Variants in SLC4A10 observed in about 807,000 individuals in gnomAD.
SLC4A10 encodes the protein sodium-driven chloride bicarbonate exchanger.
A neutral mutation model predicts 137.7 loss-of-function variants in SLC4A10; 42 were observed. The observed-to-expected ratio is 0.30, with a 90% CI of 0.24 to 0.39. SLC4A10 has a LOEUF of 0.39. Among genes scored for constraint, SLC4A10 ranks in the 10% least tolerant of loss-of-function variants. The pLI is 1.00. For synonymous variants in SLC4A10, 474 were observed against 464.1 expected, an observed-to-expected ratio of 1.02 and a Z score of -0.27; for missense variants, 925 against 1,355.0, an observed-to-expected ratio of 0.68 and a Z score of 4.98.
rs866451390 is a variant in SLC4A10, at chr2:161,692,307, A to G, written c.48+67741A>G. ...TAGATAATTATTCAAAGAAAAATAT[A>G]TAGGACTATTAAATGTTGTAATACA... On this transcript the variant is annotated intron_variant, in intron 1 of 26. Coordinates refer to ENST00000446997, the MANE Select transcript of SLC4A10 (RefSeq NM_001178015.2). 2.0e-4 allele frequency among the ~76,000 whole-genome samples: 30 copies of G among 152,218 alleles called. No individual in the cohort carries two copies. The Middle Eastern group carries it at 0.01, about 52-fold the overall frequency.
chr2:161,832,746 T>G (rs1031238135), intron 3 of SLC4A10, among the ~76,000 whole-genome samples: 4 of 146,062 alleles, frequency 2.7e-5, no homozygotes, highest in Non-Finnish European at 6.1e-5. Context: ...TTGTTTTGTT[T>G]TGTTTTGTTT....
At position 161,777,555 on chromosome 2, in the gene SLC4A10, G is replaced by C. The variant is rs956988100; in HGVS notation, c.130+6501G>C. ...TGGTTTAATGCACTTACAGTTCTGC[G>C]TGGCTGGGAAGGCCTCACAATCATG... is the stretch of plus-strand genomic sequence containing the variant. On this transcript the variant is annotated intron_variant, in intron 2 of 26. Coordinates refer to ENST00000446997, the MANE Select transcript of SLC4A10 (RefSeq NM_001178015.2). Among the ~76,000 whole-genome samples, 4 of 151,982 alleles carry C rather than the reference G, an allele frequency of 2.6e-5. No homozygotes were observed. In the East Asian group the frequency reaches 7.7e-4, roughly 29 times the overall value.
intron 12 of SLC4A10, 114 bp downstream of exon 12, chr2:161,901,125 T>C (rs1683017630): frequency 3.8e-6 from 3 of 782,700 alleles, no homozygotes; most frequent in East Asian, 5.4e-5. Context: ...TACCTGCTTT[T>C]TGAGGGTGAA....
intron 21 of SLC4A10, among the ~76,000 whole-genome samples, chr2:161,959,141 G>A (rs1269241370): frequency 1.3e-5 from 2 of 152,168 alleles, no homozygotes; most frequent in Non-Finnish European, 2.9e-5. Context: ...TGTGAAGGAA[G>A]GTGTAGAAAT....
intron 1 of SLC4A10, among the ~76,000 whole-genome samples, chr2:161,671,892 G>C (rs2039767638): frequency 6.6e-6 from 1 of 152,254 alleles, no homozygotes; most frequent in Admixed American, 6.5e-5. Context: ...TCAAGCCAAA[G>C]GAAAACAGGT....
At chr2:161,968,255 C>A (rs1697939926) in intron 23 of SLC4A10, among the ~76,000 whole-genome samples, 1 of 152,128 alleles carries the variant, frequency 6.6e-6, no homozygotes, top group African/African-American at 2.4e-5. Flanking sequence ...ACTCACATAG[C>A]TATGCATGTA....
chr2:161,770,769 G>C (rs2051491716), intron 1 of SLC4A10, among the ~76,000 whole-genome samples: 1 of 151,770 alleles, frequency 6.6e-6, no homozygotes, highest in Non-Finnish European at 1.5e-5. Flanking sequence ...TAAAAAACCA[G>C]ATGATATTTC....
intron 15 of SLC4A10, among the ~76,000 whole-genome samples, chr2:161,925,910 TGA>T (rs1447143398): frequency 1.2e-4 from 19 of 152,226 alleles, no homozygotes; most frequent in Non-Finnish European, 2.1e-4. Context: ...CACTGTGGTC[TGA>T]GAGACAGTTT....
At chr2:161,769,046 A>G (rs1440343456) in intron 1 of SLC4A10, among the ~76,000 whole-genome samples, 2 of 151,922 alleles carry the variant, frequency 1.3e-5, no homozygotes, top group Admixed American at 6.6e-5. Context: ...AGTTTTCCTA[A>G]GCCTTTATAT....
intron 15 of SLC4A10, among the ~76,000 whole-genome samples, chr2:161,908,524 C>T (rs535080350): frequency 1.3e-5 from 2 of 149,060 alleles, no homozygotes; most frequent in East Asian, 4.1e-4. Context: ...CAACATGGCA[C>T]ATGTATACAT....
At chr2:161,962,324 CA>C (rs1174025442) in intron 21 of SLC4A10, among the ~76,000 whole-genome samples, 1 of 152,090 alleles carries the variant, frequency 6.6e-6, no homozygotes, top group Non-Finnish European at 1.5e-5. Context: ...GCCATTTAAA[CA>C]ATAACAATTG....
At chr2:161,821,131 T>G (rs1175598555) in intron 3 of SLC4A10, among the ~76,000 whole-genome samples, 2 of 152,182 alleles carry the variant, frequency 1.3e-5, no homozygotes, top group Non-Finnish European at 1.5e-5. Flanking sequence ...TTTTATTGAT[T>G]TGTAGAAGTT....
At chr2:161,953,073 T>G (rs1695072942) in intron 19 of SLC4A10, among the ~76,000 whole-genome samples, 1 of 152,188 alleles carries the variant, frequency 6.6e-6, no homozygotes, top group African/African-American at 2.4e-5. Flanking sequence ...AAACCCATTT[T>G]TGCCTTGGTT....
chr2:161,926,962 C>G (rs1265624276), intron 15 of SLC4A10, among the ~76,000 whole-genome samples: 2 of 151,730 alleles, frequency 1.3e-5, no homozygotes, highest in African/African-American at 4.8e-5. Context: ...TTGTGGGTAA[C>G]CCAACCTTTC....
At chr2:161,900,835 G>T in intron 11 of SLC4A10, 76 bp from the exon 12 acceptor site, 1 of 1,046,740 alleles carries the variant, frequency 9.6e-7, no homozygotes, top group South Asian at 1.7e-5. Flanking sequence ...AAGGAAAAAT[G>T]AACTGTTATT....
At chr2:161,953,781 C>G (rs757614441) in intron 19 of SLC4A10, among the ~76,000 whole-genome samples, 1 of 151,990 alleles carries the variant, frequency 6.6e-6, no homozygotes, top group African/African-American at 2.4e-5. Context: ...AAAGAAGAGG[C>G]AAATACAAAA....
rs1487422115 is a variant in SLC4A10 at position 161,679,720 on chromosome 2, T to C, written c.48+55154T>C. On this transcript the variant is annotated intron_variant, in intron 1 of 26. Coordinates refer to ENST00000446997, the MANE Select transcript of SLC4A10 (RefSeq NM_001178015.2). ...GTGTGTGTGTGTGTGTGTGTGTGTG[T>C]AGTATATCAAAACTGCCTTTCAAGT... Among the ~76,000 whole-genome samples the C allele has an allele frequency of 3.4e-5, 5 of 148,402 alleles. No homozygotes were observed. The Admixed American group carries it at 3.4e-4, about 10-fold the overall frequency.
At chr2:161,646,649 AT>A (rs2036072214) in intron 1 of SLC4A10, among the ~76,000 whole-genome samples, 2 of 152,134 alleles carry the variant, frequency 1.3e-5, no homozygotes, top group South Asian at 4.1e-4. Flanking sequence ...ATTTTAGGAC[AT>A]ATTTTCAAAT....
chr2:161,904,116 G>A lies in SLC4A10; in HGVS notation c.1555G>A (p.Ala519Thr), dbSNP rs1282104575. ...AGCATCTTTTCTATTTCTCTACTGC[G>A]CGTGTATGTCTCCTGTCATCACGTT... Reference protein sequence around the residue: ...CLASFLFLYCACMSPVITFGG... With the variant: ...CLASFLFLYCTCMSPVITFGG... The change falls in exon 13 of 27, where the codon GCG becomes ACG. Residue 519 changes from alanine to threonine, a missense_variant. By Grantham distance (58) the Ala-to-Thr change is moderately conservative. Transcript: ENST00000446997. The A allele has an allele frequency of 5.0e-6, 8 of 1,610,716 alleles. No individual in the cohort carries two copies. The highest frequency in any genetic ancestry group is 6.8e-6 in the Non-Finnish European group (8 of 1,178,350).
Sources: allele counts gnomAD v4.1 joint callset (sites outside exome capture counted in the v4.1 genomes callset), GRCh38; gene constraint gnomAD v4.1.1; transcripts MANE v1.5; gene names NCBI Gene and HGNC (gene_info 2026-07-23, HGNC 2026-07-21).